The following FBXL20 variants were observed in gnomAD, a reference collection of about 807,000 sequenced individuals.
FBXL20 encodes the protein F-box and leucine rich repeat protein 20, also known as F-box/LRR-repeat protein 20.
Under a neutral mutation model 64.0 loss-of-function variants are expected in FBXL20, and 11 were observed. That is an observed-to-expected ratio of 0.17 (90% CI 0.11 to 0.28). The LOEUF (loss-of-function observed/expected upper bound fraction) is 0.28, where lower values mean the gene tolerates loss of function less well. Ranked by LOEUF, FBXL20 falls within the 10% of genes least tolerant of loss-of-function variation. FBXL20 has a pLI of 1.00. For synonymous variants in FBXL20, 184 were observed against 189.0 expected, an observed-to-expected ratio of 0.97 and a Z score of 0.22; for missense variants, 303 against 526.2, an observed-to-expected ratio of 0.58 and a Z score of 4.15.
chr17:39,268,210 G>A (rs1411604451), intron 12 of FBXL20, among the ~76,000 whole-genome samples: 2 of 152,022 alleles, frequency 1.3e-5, no homozygotes, highest in Admixed American at 1.3e-4. Flanking sequence ...AAAATCAGCC[G>A]GGTGTGGTGG....
At chr17:39,306,563 C>T (rs966416401) in intron 2 of FBXL20, among the ~76,000 whole-genome samples, 1 of 152,050 alleles carries the variant, frequency 6.6e-6, no homozygotes, top group Non-Finnish European at 1.5e-5. Flanking sequence ...ATCATTTGAC[C>T]ATATATGTGA....
chr17:39,352,535 G>C (rs2047697196), intron 1 of FBXL20, among the ~76,000 whole-genome samples: 1 of 151,824 alleles, frequency 6.6e-6, no homozygotes, highest in African/African-American at 2.4e-5. Context: ...ACAAAAATCA[G>C]CCGGGTGTGG....
intron 1 of FBXL20, among the ~76,000 whole-genome samples, chr17:39,356,875 G>A (rs1022839529): frequency 6.6e-6 from 1 of 150,988 alleles, no homozygotes; most frequent in African/African-American, 2.4e-5. Context: ...TGTTGCCCAG[G>A]CTAGTCTTAA....
At chr17:39,379,418 G>A (rs1213274784) in intron 1 of FBXL20, among the ~76,000 whole-genome samples, 1 of 143,238 alleles carries the variant, frequency 7.0e-6, no homozygotes, top group African/African-American at 2.7e-5. Context: ...CGAGGGGATC[G>A]CCTCAGTTCG....
chr17:39,334,730 A>G (rs539966281), intron 2 of FBXL20, among the ~76,000 whole-genome samples: 1 of 152,346 alleles, frequency 6.6e-6, no homozygotes, highest in East Asian at 1.9e-4. Context: ...AAAAGGGCAC[A>G]GTGCAGACTC....
intron 2 of FBXL20, among the ~76,000 whole-genome samples, chr17:39,332,000 C>T (rs1358865424): frequency 6.6e-6 from 1 of 152,182 alleles, no homozygotes; most frequent in African/African-American, 2.4e-5. Context: ...ACATGCCTAA[C>T]AATTTTATAG....
At chr17:39,372,303 A>ACTTTGGG (rs2144637606) in intron 1 of FBXL20, among the ~76,000 whole-genome samples, 2 of 151,708 alleles carry the variant, frequency 1.3e-5, no homozygotes, top group Admixed American at 1.3e-4. Flanking sequence ...GGTGGATCAC[A>ACTTTGGG]AGGTCAAGAG....
intron 2 of FBXL20, among the ~76,000 whole-genome samples, chr17:39,305,017 C>A (rs1263497119): frequency 6.6e-6 from 1 of 152,052 alleles, no homozygotes; most frequent in Non-Finnish European, 1.5e-5. Flanking sequence ...CTCAGCCTCC[C>A]AAAGTGCTGG....
chr17:39,290,098 G>A (rs1006038052), intron 6 of FBXL20, among the ~76,000 whole-genome samples: 14 of 147,000 alleles, frequency 9.5e-5, no homozygotes, highest in Non-Finnish European at 1.6e-4. Context: ...TTTTGTTAGT[G>A]ATCATTTTAT....
At chr17:39,386,170 G>A (rs1291110030) in intron 1 of FBXL20, among the ~76,000 whole-genome samples, 3 of 151,448 alleles carry the variant, frequency 2.0e-5, no homozygotes, top group African/African-American at 4.9e-5. Context: ...AGTGAAACCC[G>A]GTGGTACGTG....
upstream of FBXL20, chr17:39,402,068 C>T (rs1420574180): frequency 5.7e-6 from 6 of 1,045,304 alleles, no homozygotes; most frequent in Non-Finnish European, 7.3e-6. Context: ...TGCACAGAAC[C>T]TCAGCCTCTG....
chr17:39,370,684 A>G (rs1009598399), intron 1 of FBXL20, among the ~76,000 whole-genome samples: 1 of 147,918 alleles, frequency 6.8e-6, no homozygotes, highest in Non-Finnish European at 1.5e-5. Flanking sequence ...AGTCCCAGCT[A>G]CTCGGGAGGC....
intron 9 of FBXL20, among the ~76,000 whole-genome samples, chr17:39,278,925 C>T (rs559572347): frequency 6.6e-6 from 1 of 151,370 alleles, no homozygotes; most frequent in African/African-American, 2.4e-5. Flanking sequence ...AGGCCAAGGC[C>T]GGCAGATCAC....
At chr17:39,379,464 T>C (rs2048001660) in intron 1 of FBXL20, among the ~76,000 whole-genome samples, 1 of 124,840 alleles carries the variant, frequency 8.0e-6, no homozygotes, top group Non-Finnish European at 1.6e-5. Context: ...CTTGGCAACA[T>C]AGCAAGACCC....
intron 1 of FBXL20, among the ~76,000 whole-genome samples, chr17:39,392,496 G>A (rs2048144395): frequency 6.7e-6 from 1 of 150,158 alleles, no homozygotes; most frequent in African/African-American, 2.4e-5. Flanking sequence ...TTTTCAATAA[G>A]TGCAATTCAG....
chr17:39,326,040 C>T (rs542433367), intron 2 of FBXL20, among the ~76,000 whole-genome samples: 32 of 152,126 alleles, frequency 2.1e-4, no homozygotes. Context: ...TGTTCATACA[C>T]GATCTGGTTG....
At chr17:39,324,471 G>A (rs562527778) in intron 2 of FBXL20, among the ~76,000 whole-genome samples, 12 of 151,862 alleles carry the variant, frequency 7.9e-5, no homozygotes, top group South Asian at 4.2e-4. Flanking sequence ...TACATTTTTG[G>A]TAGAGACAGG....
intron 2 of FBXL20, among the ~76,000 whole-genome samples, chr17:39,324,579 T>C (rs992121539): frequency 6.6e-6 from 1 of 152,204 alleles, no homozygotes. Context: ...CAATGGCGCC[T>C]GGCCCAGGTG....
At chr17:39,267,763 G>C (rs1472657450) in intron 12 of FBXL20, among the ~76,000 whole-genome samples, 1 of 152,120 alleles carries the variant, frequency 6.6e-6, no homozygotes, top group Non-Finnish European at 1.5e-5. Flanking sequence ...CTACAAAATG[G>C]TAGAGAAAGG....
Sources: allele counts gnomAD v4.1 joint callset (sites outside exome capture counted in the v4.1 genomes callset), GRCh38; gene constraint gnomAD v4.1.1; transcripts MANE v1.5; gene names NCBI Gene and HGNC (gene_info 2026-07-23, HGNC 2026-07-21).